The following SMC4 variants were observed in gnomAD, a reference collection of about 807,000 sequenced individuals.
SMC4 encodes structural maintenance of chromosomes protein 4.
A neutral mutation model predicts 145.6 loss-of-function variants in SMC4; 87 were observed. The observed-to-expected ratio is 0.60, with a 90% CI of 0.50 to 0.71. The LOEUF (loss-of-function observed/expected upper bound fraction) is 0.71, where lower values mean the gene tolerates loss of function less well. Among genes scored for constraint, SMC4 ranks in the 30% least tolerant of loss-of-function variants. SMC4 has a pLI of 0.00. For synonymous variants in SMC4, 558 were observed against 500.7 expected (o/e 1.11, Z -1.53); for missense variants, 1,447 against 1,537.1 (o/e 0.94, Z 0.98).
At position 160,433,922 on chromosome 3, in the gene SMC4, G is replaced by T. The variant is rs1447122040; in HGVS notation, c.*113G>T. On this transcript the variant is annotated 3_prime_UTR_variant, in exon 24 of 24. Coordinates refer to ENST00000357388, the MANE Select transcript of SMC4 (RefSeq NM_001002800.3). The stretch of plus-strand genomic sequence containing the variant: ...ACTCCCTAAACTAGATCATGAAACT[G>T]GTTTCTGTTTTATGCAGTTGTCATT... 6 of 735,330 alleles carry T rather than the reference G, an allele frequency of 8.2e-6. No homozygotes were observed. The highest frequency in any genetic ancestry group is 6.1e-5 in the South Asian group (3 of 48,860). 45.6% of individuals were successfully genotyped at this position (735,330 alleles called of 1,614,324 possible).
intron 2 of SMC4, among the ~76,000 whole-genome samples, chr3:160,401,240 A>G (rs1714604062): frequency 6.6e-6 from 1 of 152,068 alleles, no homozygotes; most frequent in Admixed American, 6.5e-5. Flanking sequence ...TCACAAACAA[A>G]AATTCAATAT....
intron 18 of SMC4, among the ~76,000 whole-genome samples, chr3:160,430,244 T>C (rs1718250022): frequency 6.6e-6 from 1 of 152,182 alleles, no homozygotes; most frequent in South Asian, 2.1e-4. Context: ...TTGTCTTGAA[T>C]TGGGAAGTAT....
Position 160,399,711 on chromosome 3 carries a change from A to G in SMC4, c.-44A>G, listed in dbSNP as rs1714243078. 1 of 152,688 alleles carries G rather than the reference A, an allele frequency of 6.5e-6. No individual in the cohort carries two copies. The highest frequency in any genetic ancestry group is 6.5e-5 in the Admixed American group (1 of 15,292). 9.5% of individuals were successfully genotyped at this position (152,688 alleles called of 1,614,324 possible). A position where few individuals can be genotyped will look rare whatever the true frequency, so the allele number is the denominator to read the frequency against. On this transcript the variant is annotated 5_prime_UTR_variant, in exon 1 of 24. Coordinates refer to ENST00000357388, the MANE Select transcript of SMC4 (RefSeq NM_001002800.3). ...AGGAGCGGGGAGGTGGGTACTACAC[A>G]ACCGTCTCCAGCCTTGGTCTGAGTG...
chr3:160,406,300 G>A (rs1480017025), intron 5 of SMC4, among the ~76,000 whole-genome samples: 11 of 152,068 alleles, frequency 7.2e-5, no homozygotes, highest in Admixed American at 7.2e-4. Flanking sequence ...AAGGACCTTA[G>A]GAACTCACTT....
chr3:160,423,345 A>C, intron 13 of SMC4, 80 bp from the exon 14 acceptor site: 1 of 934,478 alleles, frequency 1.1e-6, no homozygotes, highest in Non-Finnish European at 1.6e-6. Flanking sequence ...ATTTATTCCT[A>C]TGGGTTTTTT....
chr3:160,414,372 T>A lies in SMC4; in HGVS notation c.1127T>A (p.Leu376Gln). Residue 376 changes from leucine to glutamine, a missense_variant, in exon 9 of 24, where the codon CTG becomes CAG. Coordinates refer to ENST00000357388, the MANE Select transcript of SMC4 (RefSeq NM_001002800.3). ...NKDVKDTEKK[L>Q]NKITKFIEEN... The stretch of plus-strand genomic sequence containing the variant: ...CAATATACTTGCTTTGCTAGGAAAC[T>A]GAATAAAATTACAAAATTTATTGAG... 1 of 1,594,780 alleles carries A rather than the reference T, an allele frequency of 6.3e-7. No individual in the cohort carries two copies. Among genetic ancestry groups the A allele is most frequent in the Non-Finnish European group, 8.6e-7 (1 of 1,164,566 alleles).
chr3:160,400,026 A>T (rs564363540), intron 1 of SMC4: 2 of 152,210 alleles, frequency 1.3e-5, no homozygotes, highest in Non-Finnish European at 2.9e-5. Flanking sequence ...CCTAGTCTCT[A>T]TCTGGAAAAG....
At chr3:160,431,855 T>TG in intron 21 of SMC4, 30 bp downstream of exon 21, 1 of 1,573,914 alleles carries the variant, frequency 6.4e-7, no homozygotes, top group South Asian at 1.2e-5. Flanking sequence ...GTATACTAGT[T>TG]GGAGTTCTTT....
At chr3:160,419,302 G>C (rs1396872884) in intron 11 of SMC4, 56 bp from the exon 12 acceptor site, 2 of 1,175,572 alleles carry the variant, frequency 1.7e-6, no homozygotes, top group Non-Finnish European at 2.4e-6. Context: ...TCAGTGCTAT[G>C]ACTGGTCATA....
rs1718577939 is a variant in SMC4, at chr3:160,433,030, C to T, written c.3535C>T (p.Arg1179Ter). 2 of 1,608,030 alleles carry T rather than the reference C, an allele frequency of 1.2e-6. No homozygotes were observed. Among genetic ancestry groups the T allele is most frequent in the South Asian group, 2.2e-5 (2 of 90,724 alleles). Residue 1179 changes from arginine to a stop codon, truncating the protein, a stop_gained, in exon 23 of 24, where the codon CGA becomes TGA. Coordinates refer to ENST00000357388, the MANE Select transcript of SMC4 (RefSeq NM_001002800.3). LOFTEE classifies it high-confidence loss of function. ...PFSEGIMFSV[R>*]PPKKSWKKIF... ...TGATTTTCTTAATCATTTCAGTGTT[C>T]GACCACCTAAGAAAAGTTGGAAAAA...
chr3:160,417,722 G>A lies in SMC4; in HGVS notation c.1438-1G>A. Reference sequence around the variant, plus strand: ...GATTTAATGAACTCATATTTTAACAGAGTCGAGAGAAAGAACTTATGGGTT... The same window carrying A: ...GATTTAATGAACTCATATTTTAACAAAGTCGAGAGAAAGAACTTATGGGTT... On this transcript the variant is annotated splice_acceptor_variant, in intron 10 of 23. Coordinates refer to ENST00000357388, the MANE Select transcript of SMC4 (RefSeq NM_001002800.3). LOFTEE classifies it high-confidence loss of function. The A allele has an allele frequency of 6.2e-7, 1 of 1,607,078 alleles. No individual in the cohort carries two copies. The highest frequency in any genetic ancestry group is 8.5e-7 in the Non-Finnish European group (1 of 1,177,498).
At chr3:160,413,104 AT>A (rs1300769939) in intron 7 of SMC4, among the ~76,000 whole-genome samples, 11 of 151,396 alleles carry the variant, frequency 7.3e-5, no homozygotes, top group African/African-American at 2.7e-4. Context: ...CTGGCTAATT[AT>A]TATTATTATT....
Position 160,401,870 on chromosome 3 carries a change from TC to T in SMC4, c.140-40del, listed in dbSNP as rs766622444. ...AACTAATTGCACTAATGTAGGCTTT[TC>T]CCCCGCCGTTTGCCTTCGTTTTCCT... On this transcript the variant is annotated intron_variant, in intron 2 of 23. Coordinates refer to ENST00000357388, the MANE Select transcript of SMC4 (RefSeq NM_001002800.3). 9 of 1,507,542 alleles carry T rather than the reference TC, an allele frequency of 6.0e-6. No homozygotes were observed. In the East Asian group the frequency reaches 1.2e-4, roughly 20 times the overall value. The allele number at this position is 1,507,542 out of a possible 1,614,324, so 93.4% of individuals were successfully genotyped here. A position where few individuals can be genotyped will look rare whatever the true frequency, so the allele number is the denominator to read the frequency against.
chr3:160,416,367 T>A lies in SMC4; in HGVS notation c.1389T>A (p.Val463=). Residue 463 remains valine (V), a synonymous_variant, in exon 10 of 24, where the codon GTT becomes GTA. Transcript: ENST00000357388. The part of the protein sequence containing the change: ...KEKEEKKLKE[V]MDSLKQETQG... ...AAGAAGAAAAAAAATTAAAGGAAGT[T>A]ATGGATAGCCTTAAACAGGAAACAC... 1 of 1,596,700 alleles carries A rather than the reference T, an allele frequency of 6.3e-7. No individual in the cohort carries two copies. Among genetic ancestry groups the A allele is most frequent in the Non-Finnish European group, 8.5e-7 (1 of 1,172,248 alleles).
At chr3:160,432,800 A>G in intron 22 of SMC4, 4 of 546,552 alleles carry the variant, frequency 7.3e-6, no homozygotes, top group East Asian at 2.9e-5. Context: ...AGCAAGAAGT[A>G]TAATACTTAG....
At chr3:160,400,763 GGCGGGCGCGGTGTAGCGGCCC>G (rs1380138231) in intron 1 of SMC4, 38 bp from the exon 2 acceptor site, 3 of 1,419,364 alleles carry the variant, frequency 2.1e-6, no homozygotes, top group Non-Finnish European at 2.7e-6. Flanking sequence ...CCCCGGGTGG[GGCGGGCGCGGTGTAGCGGCCC>G]GCGGGCTGAC....
intron 20 of SMC4, 83 bp downstream of exon 20, chr3:160,431,288 G>A (rs1718376674): frequency 1.7e-6 from 2 of 1,206,678 alleles, no homozygotes; most frequent in Non-Finnish European, 2.3e-6. Context: ...TTAGGGGGTT[G>A]GGGTTCTTAA....
At chr3:160,418,125 C>CT (rs1716781505) in intron 11 of SMC4, among the ~76,000 whole-genome samples, 169 bp downstream of exon 11, 1 of 152,018 alleles carries the variant, frequency 6.6e-6, no homozygotes, top group South Asian at 2.1e-4. Flanking sequence ...TGAACTGAGA[C>CT]TATCAAGAAA....
At chr3:160,414,086 T>G in intron 8 of SMC4, 4 of 442,260 alleles carry the variant, frequency 9.0e-6, no homozygotes, top group South Asian at 7.1e-5. Context: ...AACCAAAATT[T>G]TACTCCTATG....
Sources: allele counts gnomAD v4.1 joint callset (sites outside exome capture counted in the v4.1 genomes callset), GRCh38; gene constraint gnomAD v4.1.1; transcripts MANE v1.5; gene names NCBI Gene and HGNC (gene_info 2026-07-23, HGNC 2026-07-21).